The following MICU2 variants were observed in gnomAD, a reference collection of about 807,000 sequenced individuals.
MICU2 encodes calcium uptake protein 2, mitochondrial.
In MICU2, 64 loss-of-function variants were observed where a neutral mutation model predicts 60.4. The observed-to-expected ratio is 1.06, with a 90% CI of 0.87 to 1.31. The LOEUF (loss-of-function observed/expected upper bound fraction) is 1.31, where lower values mean the gene tolerates loss of function less well. Ranked by LOEUF, MICU2 falls within the 50% of genes most tolerant of loss-of-function variation. The pLI, the probability that MICU2 is intolerant of heterozygous loss-of-function variation, is 0.00. For synonymous variants in MICU2, 201 were observed against 175.0 expected (o/e 1.15, Z -1.17); for missense variants, 569 against 531.0 (o/e 1.07, Z -0.70).
chr13:21,514,507 A>T (rs1886515987), intron 6 of MICU2, 89 bp from the exon 7 acceptor site: 4 of 860,650 alleles, frequency 4.6e-6, no homozygotes, highest in Non-Finnish European at 7.5e-6. Context: ...ATTGTTATAA[A>T]ATATATACTA....
intron 2 of MICU2, among the ~76,000 whole-genome samples, chr13:21,549,003 C>T (rs1426136539): frequency 1.0e-4 from 15 of 149,488 alleles, no homozygotes; most frequent in Admixed American, 4.7e-4. Flanking sequence ...CTTGGTTCAC[C>T]GCAAGCTCTG....
chr13:21,517,813 GCACA>G (rs1404477123), intron 6 of MICU2, among the ~76,000 whole-genome samples: 1 of 142,248 alleles, frequency 7.0e-6, no homozygotes, highest in Non-Finnish European at 1.6e-5. Context: ...GCGCGCGCGC[GCACA>G]CGCGCTACAT....
At chr13:21,529,439 T>C (rs556650517) in intron 4 of MICU2, among the ~76,000 whole-genome samples, 1 of 152,320 alleles carries the variant, frequency 6.6e-6, no homozygotes, top group Non-Finnish European at 1.5e-5. Context: ...CTCAGGAGTG[T>C]AGCCTGGGCT....
At chr13:21,535,993 T>C (rs1034803826) in intron 4 of MICU2, among the ~76,000 whole-genome samples, 1 of 152,202 alleles carries the variant, frequency 6.6e-6, no homozygotes, top group Non-Finnish European at 1.5e-5. Flanking sequence ...CACACACTTT[T>C]GTTCACTAAC....
rs1277620052 is a variant in MICU2, at chr13:21,496,069, T to C, written c.1025A>G (p.His342Arg). The change falls in exon 10 of 12, where the codon CAT (histidine) becomes CGT (arginine). Residue 342 changes from histidine (H) to arginine (R), a missense_variant. By Grantham distance (29) the His-to-Arg change is conservative. Transcript: ENST00000382374. ...AIAMQMFSLA[H>R]RPVRLAEFKR... is the part of the protein sequence containing the mutation. ...TAACTTACCTAGTCTGACAGGACGA[T>C]GAGCTAAACTGAACATCTGCATGGC... 5.6e-6 allele frequency: 9 copies of C among 1,613,114 alleles called. No individual in the cohort carries two copies. Among genetic ancestry groups the C allele is most frequent in the Non-Finnish European group, 7.6e-6 (9 of 1,179,530 alleles).
rs765420916 is a variant in MICU2 at position 21,522,628 on chromosome 13, A to T, written c.489T>A (p.Tyr163Ter). Residue 163 changes from tyrosine (Y) to a stop codon, truncating the protein, a stop_gained, in exon 5 of 12, where the codon TAT (tyrosine) becomes TAA (stop). Coordinates refer to ENST00000382374, the MANE Select transcript of MICU2 (RefSeq NM_152726.3). LOFTEE classifies it high-confidence loss of function. ...GDKGLISYTE[Y>*]LFLLTILTKP... ...TAGTGAGGATTGTAAGCAAGAAAAG[A>T]TACTCGGTATATGAAATTAGCCCTG... 2.5e-6 allele frequency: 4 copies of T among 1,605,534 alleles called. No individual in the cohort carries two copies. The highest frequency in any genetic ancestry group is 3.4e-6 in the Non-Finnish European group (4 of 1,175,812).
intron 1 of MICU2, among the ~76,000 whole-genome samples, chr13:21,591,882 T>C (rs1181722007): frequency 6.6e-6 from 1 of 152,156 alleles, no homozygotes; most frequent in East Asian, 1.9e-4. Context: ...GGGAAATTTA[T>C]AGCACTAAAT....
intron 9 of MICU2, 45 bp from the exon 10 acceptor site, chr13:21,496,205 A>G (rs1885993145): frequency 7.3e-7 from 1 of 1,362,336 alleles, no homozygotes; most frequent in African/African-American, 1.5e-5. Flanking sequence ...AGTACATTAA[A>G]TAATCTTATA....
Position 21,597,175 on chromosome 13 carries a change from G to T in MICU2, c.210+6764C>A, listed in dbSNP as rs191674868. On this transcript the variant is annotated intron_variant, in intron 1 of 11. Transcript: ENST00000382374. ...CCCATCTTTAAACTTCAGAGACAAA[G>T]GTATATCTATTATTAAAACATTATA... Among the ~76,000 whole-genome samples, 13 of 152,204 alleles carry T rather than the reference G, an allele frequency of 8.5e-5. 1 individual carries two copies. The East Asian group carries it at 2.5e-3, about 29-fold the overall frequency.
intron 2 of MICU2, among the ~76,000 whole-genome samples, chr13:21,552,344 A>G (rs1887592382): frequency 6.6e-6 from 1 of 152,114 alleles, no homozygotes; most frequent in African/African-American, 2.4e-5. Flanking sequence ...TTTGTCAGAG[A>G]GTAGGTTGCA....
chr13:21,597,758 C>T (rs1235768681), intron 1 of MICU2, among the ~76,000 whole-genome samples: 2 of 151,690 alleles, frequency 1.3e-5, no homozygotes, highest in Non-Finnish European at 2.9e-5. Context: ...GGTGAAACCC[C>T]GTCTCTACTA....
chr13:21,597,558 C>T (rs1888720567), intron 1 of MICU2, among the ~76,000 whole-genome samples: 1 of 152,082 alleles, frequency 6.6e-6, no homozygotes, highest in Admixed American at 6.6e-5. Context: ...TGCGATTATT[C>T]TAGGTACTAA....
chr13:21,587,421 A>G (rs1288144952), intron 1 of MICU2, among the ~76,000 whole-genome samples: 4 of 152,232 alleles, frequency 2.6e-5, no homozygotes, highest in African/African-American at 7.2e-5. Flanking sequence ...GTAGAAATCT[A>G]ATTTGTTTAC....
intron 2 of MICU2, among the ~76,000 whole-genome samples, chr13:21,565,386 G>A (rs568023285): frequency 6.6e-6 from 1 of 152,206 alleles, no homozygotes; most frequent in African/African-American, 2.4e-5. Context: ...GGCTGGGCGC[G>A]GTGGCTCATG....
chr13:21,546,002 TAAG>T (rs1887408356), intron 2 of MICU2, among the ~76,000 whole-genome samples: 1 of 152,174 alleles, frequency 6.6e-6, no homozygotes, highest in Non-Finnish European at 1.5e-5. Flanking sequence ...ATGTACCCCA[TAAG>T]TATGTACAAT....
intron 9 of MICU2, among the ~76,000 whole-genome samples, chr13:21,502,150 CTTT>C (rs869252511): frequency 7.1e-6 from 1 of 139,902 alleles, no homozygotes; most frequent in South Asian, 2.5e-4. Flanking sequence ...AAGTTTTCTT[CTTT>C]TTTTTTGTTA....
intron 6 of MICU2, 53 bp downstream of exon 6, chr13:21,521,192 C>T: frequency 3.0e-6 from 4 of 1,327,370 alleles, no homozygotes; most frequent in Middle Eastern, 2.3e-4. Flanking sequence ...AAAATTATCA[C>T]ACAAACATCC....
intron 1 of MICU2, among the ~76,000 whole-genome samples, 188 bp from the exon 2 acceptor site, chr13:21,567,132 T>C (rs1286977435): frequency 6.6e-6 from 1 of 152,142 alleles, no homozygotes; most frequent in Non-Finnish European, 1.5e-5. Context: ...TAAGACTAAC[T>C]TGAGGGAAGT....
chr13:21,513,811 G>A (rs1314001144), intron 7 of MICU2, among the ~76,000 whole-genome samples: 7 of 145,736 alleles, frequency 4.8e-5, no homozygotes, highest in Non-Finnish European at 9.0e-5. Flanking sequence ...GTGGAACAAT[G>A]TAGAGTATGT....
Sources: allele counts gnomAD v4.1 joint callset (sites outside exome capture counted in the v4.1 genomes callset), GRCh38; gene constraint gnomAD v4.1.1; transcripts MANE v1.5; gene names NCBI Gene and HGNC (gene_info 2026-07-23, HGNC 2026-07-21).